PCDHGB3: variants seen among roughly 807,000 people sequenced by gnomAD.
PCDHGB3 encodes the protein protocadherin gamma subfamily B, 3, also known as protocadherin gamma-B3.
In PCDHGB3, 40 loss-of-function variants were observed where a neutral mutation model predicts 59.2. That is an observed-to-expected ratio of 0.68 (90% CI 0.52 to 0.88). The LOEUF is 0.88. Among genes scored for constraint, PCDHGB3 ranks in the 40% least tolerant of loss-of-function variants. The probability of loss-of-function intolerance (pLI) is 0.00; values close to 1 mark genes in which losing one functional copy is unlikely to be tolerated. For synonymous variants in PCDHGB3, 581 were observed against 503.6 expected, an observed-to-expected ratio of 1.15 and a Z score of -2.06; for missense variants, 1,309 against 1,187.9, an observed-to-expected ratio of 1.10 and a Z score of -1.50.
At chr5:141,481,220 C>T (rs896803040) in intron 1 of PCDHGB3, among the ~76,000 whole-genome samples, 1 of 152,130 alleles carries the variant, frequency 6.6e-6, no homozygotes, top group African/African-American at 2.4e-5. Context: ...GGTAAGGTCT[C>T]CCAGCCTTAA....
At position 141,476,409 on chromosome 5, in the gene PCDHGB3, G is replaced by A. The variant is rs1226666958; in HGVS notation, c.2416-18398G>A. The A allele has an allele frequency of 6.2e-7, 1 of 1,614,154 alleles. No homozygotes were observed. The highest frequency in any genetic ancestry group is 1.7e-5 in the Admixed American group (1 of 60,030). ...GACCGTCTGGATCGAGAGGAGCTGT[G>A]TGGGACACTGCCCTCTTGCACTGTA... is the stretch of plus-strand genomic sequence containing the variant. On this transcript the variant is annotated intron_variant, in intron 1 of 3. Coordinates refer to ENST00000576222, the MANE Select transcript of PCDHGB3 (RefSeq NM_018924.5). The surrounding 1 kb of genome is among the most constrained non-coding windows in gnomAD (Gnocchi z 7.6).
chr5:141,400,091 C>T, intron 1 of PCDHGB3: 4 of 1,614,072 alleles, frequency 2.5e-6, no homozygotes, highest in South Asian at 1.1e-5. Context: ...GCCACCGCCA[C>T]GCTGCACTTG....
chr5:141,403,875 A>G (rs1311532081), intron 1 of PCDHGB3: 1 of 1,613,816 alleles, frequency 6.2e-7, no homozygotes, highest in South Asian at 1.1e-5. Context: ...AAAAGTCTAG[A>G]TTATGAAGAA....
At chr5:141,462,905 T>G (rs542357408) in intron 1 of PCDHGB3, among the ~76,000 whole-genome samples, 265 of 152,356 alleles carry the variant, frequency 1.7e-3, no homozygotes, top group Non-Finnish European at 3.1e-3. Flanking sequence ...AAGGCTATTA[T>G]GTTTTTTGCA....
Position 141,490,583 on chromosome 5 carries a change from A to G in PCDHGB3, c.2416-4224A>G, listed in dbSNP as rs2099701693. ...ATCAGGCTCAACATTTCAGATGTCAATGACAATGCACCCCGCTTCAACCAG... is the reference window on the plus strand; with the variant it reads ...ATCAGGCTCAACATTTCAGATGTCAGTGACAATGCACCCCGCTTCAACCAG... On this transcript the variant is annotated intron_variant, in intron 1 of 3. Coordinates refer to ENST00000576222, the MANE Select transcript of PCDHGB3 (RefSeq NM_018924.5). This position sits in a 1 kb window ranked among gnomAD's most constrained non-coding sequence, Gnocchi z 5.4. 2.5e-6 allele frequency: 4 copies of G among 1,614,138 alleles called. No homozygotes were observed. Among genetic ancestry groups the G allele is most frequent in the African/African-American group, 1.3e-5 (1 of 75,032 alleles).
chr5:141,492,359 C>A (rs1292383129), intron 1 of PCDHGB3, among the ~76,000 whole-genome samples: 3 of 152,336 alleles, frequency 2.0e-5, no homozygotes, highest in African/African-American at 7.2e-5. Flanking sequence ...GCCACTCGCT[C>A]GCGGCCAGAT....
At chr5:141,446,767 G>A (rs891355909) in intron 1 of PCDHGB3, among the ~76,000 whole-genome samples, 12 of 152,118 alleles carry the variant, frequency 7.9e-5, no homozygotes, top group Non-Finnish European at 1.2e-4. Flanking sequence ...GCGCCCAGCC[G>A]GTTACCATTC....
rs374857095 is a variant in PCDHGB3, at chr5:141,409,142, A to G, written c.2415+36333A>G. 6 of 1,613,904 alleles carry G rather than the reference A, an allele frequency of 3.7e-6. No individual in the cohort carries two copies. In the African/African-American group the frequency reaches 6.7e-5, roughly 18 times the overall value. ...GTCATTTGATTTTGAAGATGTAGAA[A>G]GGTACACCATGGAAGTGGAAGCGAA... is the stretch of plus-strand genomic sequence containing the variant. On this transcript the variant is annotated intron_variant, in intron 1 of 3. Coordinates refer to ENST00000576222, the MANE Select transcript of PCDHGB3 (RefSeq NM_018924.5).
At chr5:141,415,740 G>GTTTTTTTTTTTTTTTGT (rs2095912649) in intron 1 of PCDHGB3, 1 of 515,998 alleles carries the variant, frequency 1.9e-6, no homozygotes, top group Non-Finnish European at 2.6e-6. Flanking sequence ...GTTTATTAAG[G>GTTTTTTTTTTTTTTTGT]TTTTTTTTTT....
At position 141,486,447 on chromosome 5, in the gene PCDHGB3, T is replaced by A. The variant is rs1452869378; in HGVS notation, c.2416-8360T>A. 6.2e-7 allele frequency: 1 copy of A among 1,614,058 alleles called. No individual in the cohort carries two copies. The highest frequency in any genetic ancestry group is 1.7e-5 in the Admixed American group (1 of 60,012). On this transcript the variant is annotated intron_variant, in intron 1 of 3. Coordinates refer to ENST00000576222, the MANE Select transcript of PCDHGB3 (RefSeq NM_018924.5). This position sits in a 1 kb window ranked among gnomAD's most constrained non-coding sequence, Gnocchi z 5.0. Reference sequence around the variant, plus strand: ...GCCAAATCTAGCTATGACATCATGGTCACTGCTTCTGATGCTGGGAACCCT... The same window carrying A: ...GCCAAATCTAGCTATGACATCATGGACACTGCTTCTGATGCTGGGAACCCT...
At chr5:141,494,708 C>T (rs1481947557) in intron 1 of PCDHGB3, 99 bp from the exon 2 acceptor site, 2 of 1,599,566 alleles carry the variant, frequency 1.3e-6, no homozygotes, top group Non-Finnish European at 1.7e-6. Flanking sequence ...CTTCTCTGTG[C>T]CCACTCCCCT....
intron 2 of PCDHGB3, among the ~76,000 whole-genome samples, chr5:141,503,851 A>C (rs1484022055): frequency 6.6e-6 from 1 of 152,116 alleles, no homozygotes; most frequent in Non-Finnish European, 1.5e-5. Context: ...CCTTGGAAAA[A>C]TTGTAAAGCA....
chr5:141,475,527 C>G (rs1462406655), intron 1 of PCDHGB3, among the ~76,000 whole-genome samples: 2 of 152,172 alleles, frequency 1.3e-5, no homozygotes, highest in African/African-American at 2.4e-5. Context: ...ATGCTAAATG[C>G]CTCCTTACAA....
chr5:141,384,431 C>T (rs750392601), intron 1 of PCDHGB3: 1 of 1,614,000 alleles, frequency 6.2e-7, no homozygotes, highest in South Asian at 1.1e-5. Context: ...AACTCTGACA[C>T]TGGAGTCCTG....
rs766865642 is a variant in PCDHGB3, at chr5:141,400,084, A to G, written c.2415+27275A>G. 34 of 1,613,852 alleles carry G rather than the reference A, an allele frequency of 2.1e-5. No homozygotes were observed. The highest frequency in any genetic ancestry group is 2.0e-4 in the Admixed American group (12 of 60,006). On this transcript the variant is annotated intron_variant, in intron 1 of 3. Transcript: ENST00000576222. The stretch of plus-strand genomic sequence containing the variant: ...TGGTGGACAGCCGCCACTCTCCGCC[A>G]CCGCCACGCTGCACTTGGTCTTTGC...
At chr5:141,410,765 T>C (rs1238144239) in intron 1 of PCDHGB3, 1 of 1,066,570 alleles carries the variant, frequency 9.4e-7, no homozygotes, top group Non-Finnish European at 1.3e-6. Flanking sequence ...TTTTCAATTA[T>C]AGTTTTCACT....
At chr5:141,400,161 T>A (rs1271912348) in intron 1 of PCDHGB3, 1 of 1,614,084 alleles carries the variant, frequency 6.2e-7, no homozygotes, top group South Asian at 1.1e-5. Flanking sequence ...CTGTACCCTC[T>A]GACCCCCAGG....
intron 1 of PCDHGB3, chr5:141,478,878 T>A: frequency 8.0e-7 from 1 of 1,250,194 alleles, no homozygotes; most frequent in Non-Finnish European, 1.1e-6. Flanking sequence ...GAGTTTAGCT[T>A]GGTATCATTT....
At chr5:141,388,424 G>A (rs77505166) in intron 1 of PCDHGB3, 76,970 of 1,613,794 alleles carry the variant, frequency 0.048, 2,026 homozygotes, top group South Asian at 0.077. Context: ...ATTTCTCACT[G>A]ATAAATAAAG....
Sources: gnomAD v4.1 joint callset for allele counts (sites outside exome capture counted in the v4.1 genomes callset) on GRCh38, gnomAD v4.1.1 for gene constraint, Gnocchi (gnomAD v3.1) non-coding constraint, MANE v1.5 for transcripts, NCBI Gene and HGNC (gene_info 2026-07-23, HGNC 2026-07-21) for gene names.